Variants in DUSP14 observed in about 807,000 individuals in gnomAD.
The protein encoded by DUSP14 is dual specificity phosphatase 14, also known as dual specificity protein phosphatase 14.
A neutral mutation model predicts 13.2 loss-of-function variants in DUSP14; 5 were observed. The ratio of observed to expected loss-of-function variants is 0.38; its 90% CI spans 0.20 to 0.80. The LOEUF (loss-of-function observed/expected upper bound fraction) is 0.80. Among genes scored for constraint, DUSP14 ranks in the 30% least tolerant of loss-of-function variants. The pLI, the probability that DUSP14 is intolerant of heterozygous loss-of-function variation, is 0.44. For synonymous variants in DUSP14, 91 were observed against 103.4 expected, an observed-to-expected ratio of 0.88 and a Z score of 0.73; for missense variants, 185 against 264.0, an observed-to-expected ratio of 0.70 and a Z score of 2.07.
At chr17:37,495,533 C>G (rs965671168) in intron 1 of DUSP14, among the ~76,000 whole-genome samples, 1 of 152,172 alleles carries the variant, frequency 6.6e-6, no homozygotes, top group African/African-American at 2.4e-5. Flanking sequence ...AGAAAACTCC[C>G]TAACTAGAGC....
At chr17:37,511,191 T>G (rs1399554009) in intron 2 of DUSP14, among the ~76,000 whole-genome samples, 1 of 152,178 alleles carries the variant, frequency 6.6e-6, no homozygotes, top group Non-Finnish European at 1.5e-5. Flanking sequence ...GAATGAACTT[T>G]GAAGACCATG....
chr17:37,489,648 G>A (rs1313368502), upstream of DUSP14, among the ~76,000 whole-genome samples: 1 of 151,976 alleles, frequency 6.6e-6, no homozygotes, highest in African/African-American at 2.4e-5. Flanking sequence ...AGAGACCAGG[G>A]GACCTGCACG....
chr17:37,511,388 C>G (rs2054183967), intron 2 of DUSP14, among the ~76,000 whole-genome samples: 1 of 152,080 alleles, frequency 6.6e-6, no homozygotes, highest in South Asian at 2.1e-4. Context: ...TCAAGCGTGT[C>G]TCTTGCCTCA....
chr17:37,494,348 A>T (rs1037145930), intron 1 of DUSP14, among the ~76,000 whole-genome samples: 3 of 152,206 alleles, frequency 2.0e-5, no homozygotes, highest in Non-Finnish European at 4.4e-5. Flanking sequence ...AGAAAGTAGA[A>T]GTAGCTTAGA....
At chr17:37,502,121 C>G (rs533905004) in intron 1 of DUSP14, among the ~76,000 whole-genome samples, 2 of 152,140 alleles carry the variant, frequency 1.3e-5, no homozygotes, top group Non-Finnish European at 2.9e-5. Flanking sequence ...TAACACAGCT[C>G]TAAAACTCGT....
upstream of DUSP14, chr17:37,489,770 C>T (rs1161472886): frequency 6.7e-6 from 1 of 148,852 alleles, no homozygotes; most frequent in Non-Finnish European, 1.5e-5. Flanking sequence ...CCGCGCGTCC[C>T]CCCGCCCCGC....
At chr17:37,490,982 T>G (rs1454596701) in intron 1 of DUSP14, among the ~76,000 whole-genome samples, 1 of 152,180 alleles carries the variant, frequency 6.6e-6, no homozygotes, top group Non-Finnish European at 1.5e-5. Flanking sequence ...CCGTCCTCCC[T>G]GACATTCTAC....
At chr17:37,509,863 AGTTGTATAGCAGTTTATAT>A (rs1453865567) in intron 1 of DUSP14, 1 of 151,334 alleles carries the variant, frequency 6.6e-6, no homozygotes, top group Non-Finnish European at 1.5e-5. Context: ...TACCTGATCA[AGTTGTATAGCAGTTTATAT>A]GTCAAGAACA....
chr17:37,498,533 A>G (rs1367677809), intron 1 of DUSP14, among the ~76,000 whole-genome samples: 3 of 151,742 alleles, frequency 2.0e-5, no homozygotes, highest in Non-Finnish European at 4.4e-5. Context: ...TCACCGTGTT[A>G]GCCAGGATGG....
chr17:37,491,136 A>G (rs1046066090), intron 1 of DUSP14, among the ~76,000 whole-genome samples: 36 of 152,174 alleles, frequency 2.4e-4, no homozygotes, highest in Non-Finnish European at 5.9e-5. Context: ...CAGGGGAACA[A>G]AGGTGCTGTA....
At chr17:37,509,593 A>G (rs1045650587) in intron 1 of DUSP14, among the ~76,000 whole-genome samples, 8 of 151,872 alleles carry the variant, frequency 5.3e-5, no homozygotes, top group Non-Finnish European at 1.0e-4. Flanking sequence ...AAGTGTTGGG[A>G]TTACAGGCGT....
intron 1 of DUSP14, among the ~76,000 whole-genome samples, 173 bp downstream of exon 1, chr17:37,490,131 ACT>A (rs1397510439): frequency 6.7e-6 from 1 of 148,546 alleles, no homozygotes; most frequent in African/African-American, 2.5e-5. Flanking sequence ...GCGGTCCTTG[ACT>A]CTTCGGGGCG....
intron 1 of DUSP14, among the ~76,000 whole-genome samples, chr17:37,509,170 C>A (rs28798686): frequency 2.3e-4 from 11 of 48,188 alleles, no homozygotes; most frequent in Admixed American, 3.7e-4. Context: ...CACACACACT[C>A]TATATATATA....
intron 1 of DUSP14, among the ~76,000 whole-genome samples, chr17:37,501,046 G>A (rs183234962): frequency 1.0e-3 from 159 of 152,154 alleles, no homozygotes; most frequent in South Asian, 4.2e-4. Flanking sequence ...ATGGAAGGAC[G>A]GTTCTGGTCC....
At chr17:37,498,963 A>C (rs2054087309) in intron 1 of DUSP14, among the ~76,000 whole-genome samples, 1 of 152,170 alleles carries the variant, frequency 6.6e-6, no homozygotes, top group Admixed American at 6.5e-5. Flanking sequence ...TGCGTCTACT[A>C]TGCTGTGATG....
chr17:37,502,201 A>G (rs984506626), intron 1 of DUSP14, among the ~76,000 whole-genome samples: 2 of 151,456 alleles, frequency 1.3e-5, no homozygotes, highest in Non-Finnish European at 2.9e-5. Flanking sequence ...TTTTTTTTTA[A>G]GACAGAGACT....
chr17:37,506,276 C>T (rs972921171), intron 1 of DUSP14, among the ~76,000 whole-genome samples: 2 of 148,618 alleles, frequency 1.3e-5, no homozygotes, highest in African/African-American at 2.5e-5. Context: ...CCCCCGCCCC[C>T]GTCCCCCTGC....
At chr17:37,502,466 G>C (rs1448152612) in intron 1 of DUSP14, among the ~76,000 whole-genome samples, 1 of 151,672 alleles carries the variant, frequency 6.6e-6, no homozygotes, top group Non-Finnish European at 1.5e-5. Flanking sequence ...TTACAGGCCT[G>C]AGCCACTGCC....
intron 1 of DUSP14, among the ~76,000 whole-genome samples, chr17:37,499,570 G>A (rs771864389): frequency 1.3e-5 from 2 of 151,578 alleles, no homozygotes; most frequent in Non-Finnish European, 2.9e-5. Flanking sequence ...GCTCTTTCAC[G>A]CAGGCTGGAG....
Sources: gnomAD v4.1 joint callset for allele counts (sites outside exome capture counted in the v4.1 genomes callset) on GRCh38, gnomAD v4.1.1 for gene constraint, MANE v1.5 for transcripts, NCBI Gene and HGNC (gene_info 2026-07-23, HGNC 2026-07-21) for gene names.